CTNND2: variants seen among roughly 807,000 people sequenced by gnomAD.
The protein encoded by CTNND2 is catenin delta 2.
CTNND2 carries 22 observed loss-of-function variants against 144.4 expected under a neutral mutation model. The observed-to-expected ratio is 0.15, with a 90% CI of 0.11 to 0.22. The LOEUF (loss-of-function observed/expected upper bound fraction) is 0.22. CTNND2 is among the 10% of genes least tolerant of loss of function. The probability of loss-of-function intolerance (pLI) is 1.00; values close to 1 mark genes in which losing one functional copy is unlikely to be tolerated. For synonymous variants in CTNND2, 751 were observed against 695.6 expected (o/e 1.08, Z -1.25); for missense variants, 1,353 against 1,618.8 (o/e 0.84, Z 2.82).
rs1290469633 is a variant in CTNND2 at position 11,843,750 on chromosome 5, T to G, written c.37+60067A>C. On this transcript the variant is annotated intron_variant, in intron 1 of 21. Transcript: ENST00000304623. Reference sequence around the variant, plus strand: ...TGTATTAGAAATGTTAAATAATTATTTATGATCCTAGGAAATTGACTCTTT... The same window carrying G: ...TGTATTAGAAATGTTAAATAATTATGTATGATCCTAGGAAATTGACTCTTT... Among the ~76,000 whole-genome samples the G allele has an allele frequency of 3.3e-5, 5 of 152,338 alleles. No homozygotes were observed. The East Asian group carries it at 9.6e-4, about 29-fold the overall frequency.
At position 11,490,193 on chromosome 5, in the gene CTNND2, A is replaced by C. The variant is rs181190117; in HGVS notation, c.287+74751T>G. On this transcript the variant is annotated intron_variant, in intron 3 of 21. Transcript: ENST00000304623. ...AACTCTAGTCAATGAGATTTTTTAAAATTTTCATATGAAAATAATGATGCA... is the reference window on the plus strand; with the variant it reads ...AACTCTAGTCAATGAGATTTTTTAACATTTTCATATGAAAATAATGATGCA... 1.5e-3 allele frequency among the ~76,000 whole-genome samples: 232 copies of C among 152,276 alleles called. 1 individual carries two copies. The highest frequency in any genetic ancestry group is 5.5e-3 in the African/African-American group (227 of 41,540).
chr5:11,515,881 C>T (rs1292542607), intron 3 of CTNND2, among the ~76,000 whole-genome samples: 2 of 152,116 alleles, frequency 1.3e-5, no homozygotes, highest in Non-Finnish European at 2.9e-5. Context: ...TGGAAGCTTG[C>T]TTAAGCTCAG....
rs972884096 is a variant in CTNND2, at chr5:11,117,390, G to A, written c.2277+60C>T. On this transcript the variant is annotated intron_variant, in intron 13 of 21. Coordinates refer to ENST00000304623, the MANE Select transcript of CTNND2 (RefSeq NM_001332.4). ...TGGCTCTCCAGGGTTGTTAGCTATT[G>A]TTGAGTCCCGTGGGAGTCTTTATTC... The A allele has an allele frequency of 1.5e-5, 20 of 1,307,320 alleles. No homozygotes were observed. In the African/African-American group the frequency reaches 2.6e-4, roughly 17 times the overall value. The allele number at this position is 1,307,320 out of a possible 1,614,324, so 81.0% of individuals were successfully genotyped here. A position where few individuals can be genotyped will look rare whatever the true frequency, so the allele number is the denominator to read the frequency against.
In CTNND2 at chr5:11,249,988, A is replaced by G. The variant is rs1177031305; in HGVS notation, c.1629-13165T>C. Among the ~76,000 whole-genome samples, 4 of 152,238 alleles carry G rather than the reference A, an allele frequency of 2.6e-5. No homozygotes were observed. In the East Asian group the frequency reaches 7.7e-4, roughly 29 times the overall value. ...GGCTGCAGTGTCCAAGTGTCCATTC[A>G]TAATTATTTCTCATTACTAGACATT... On this transcript the variant is annotated intron_variant, in intron 9 of 21. Transcript: ENST00000304623.
intron 3 of CTNND2, among the ~76,000 whole-genome samples, chr5:11,523,278 T>G (rs563299130): frequency 6.6e-6 from 1 of 152,356 alleles, no homozygotes; most frequent in African/African-American, 2.4e-5. Context: ...ACATGAGATT[T>G]TTTTTTAAGA....
At chr5:11,445,766 G>A (rs527489945) in intron 3 of CTNND2, among the ~76,000 whole-genome samples, 6 of 152,330 alleles carry the variant, frequency 3.9e-5, no homozygotes, top group Middle Eastern at 3.4e-3. Context: ...TCAGTAGTGA[G>A]TATTCTACAT....
chr5:11,193,455 A>G (rs905752206), intron 11 of CTNND2, among the ~76,000 whole-genome samples: 1 of 152,136 alleles, frequency 6.6e-6, no homozygotes, highest in East Asian at 1.9e-4. Flanking sequence ...ATGTTGTTTA[A>G]TCTTCTCATA....
chr5:11,211,558 T>A (rs917772222), intron 10 of CTNND2, among the ~76,000 whole-genome samples: 1 of 152,178 alleles, frequency 6.6e-6, no homozygotes, highest in Non-Finnish European at 1.5e-5. Flanking sequence ...GTGACTACGA[T>A]TTGGGGCCTT....
intron 1 of CTNND2, among the ~76,000 whole-genome samples, chr5:11,748,422 T>G (rs1788432194): frequency 6.6e-6 from 1 of 152,104 alleles, no homozygotes; most frequent in Non-Finnish European, 1.5e-5. Context: ...TATATAATCA[T>G]TCAATATTAC....
intron 9 of CTNND2, among the ~76,000 whole-genome samples, chr5:11,278,599 C>A (rs938531637): frequency 8.5e-5 from 13 of 152,168 alleles, no homozygotes; most frequent in Admixed American, 8.5e-4. Context: ...TCCCTGGCTT[C>A]TGACATGAGA....
chr5:11,557,745 A>T (rs1776346245), intron 3 of CTNND2, among the ~76,000 whole-genome samples: 1 of 152,192 alleles, frequency 6.6e-6, no homozygotes, highest in South Asian at 2.1e-4. Context: ...AGGATTATAC[A>T]GTCTGCGAAA....
intron 14 of CTNND2, among the ~76,000 whole-genome samples, chr5:11,099,698 A>T (rs955306932): frequency 1.3e-5 from 2 of 152,196 alleles, no homozygotes; most frequent in Admixed American, 1.3e-4. Context: ...AAAACACTAA[A>T]AATTAAAATA....
chr5:11,807,809 G>C (rs978851504), intron 1 of CTNND2, among the ~76,000 whole-genome samples: 10 of 152,244 alleles, frequency 6.6e-5, no homozygotes, highest in Middle Eastern at 3.4e-3. Flanking sequence ...GCATGACATG[G>C]TTTGTTTCTG....
At chr5:11,602,453 C>G (rs1779840474) in intron 2 of CTNND2, among the ~76,000 whole-genome samples, 1 of 151,672 alleles carries the variant, frequency 6.6e-6, no homozygotes, top group South Asian at 2.1e-4. Flanking sequence ...ACCCTCTTGG[C>G]AGTTGAAGCA....
intron 3 of CTNND2, among the ~76,000 whole-genome samples, chr5:11,560,449 C>G (rs932577362): frequency 6.6e-6 from 1 of 152,160 alleles, no homozygotes; most frequent in East Asian, 1.9e-4. Context: ...CATTATGTTA[C>G]TGATGCCTAT....
intron 9 of CTNND2, among the ~76,000 whole-genome samples, chr5:11,259,960 T>C (rs914473737): frequency 3.3e-5 from 5 of 152,222 alleles, no homozygotes; most frequent in Non-Finnish European, 5.9e-5. Context: ...CACTCAGAAA[T>C]TGTCCTAAAA....
rs1242930658 is a variant in CTNND2, at chr5:11,873,919, T to C, written c.37+29898A>G. Among the ~76,000 whole-genome samples the C allele has an allele frequency of 4.6e-5, 7 of 152,246 alleles. No individual in the cohort carries two copies. The East Asian group carries it at 1.4e-3, about 29-fold the overall frequency. On this transcript the variant is annotated intron_variant, in intron 1 of 21. Transcript: ENST00000304623. ...CCCACTGGTGACAAGGAAGTAAAAG[T>C]AATACAGAGGGAGCCTAGAAAAGGC...
chr5:11,862,288 A>T (rs1200863915), intron 1 of CTNND2, among the ~76,000 whole-genome samples: 1 of 152,202 alleles, frequency 6.6e-6, no homozygotes, highest in African/African-American at 2.4e-5. Context: ...TGGAAAATAG[A>T]AATTTTCCAT....
At chr5:11,354,210 G>C (rs972908157) in intron 8 of CTNND2, among the ~76,000 whole-genome samples, 1 of 152,322 alleles carries the variant, frequency 6.6e-6, no homozygotes, top group Non-Finnish European at 1.5e-5. Flanking sequence ...AGTTTGGTGA[G>C]AACAGAATTA....
Sources: gnomAD v4.1 joint callset for allele counts (sites outside exome capture counted in the v4.1 genomes callset) on GRCh38, gnomAD v4.1.1 for gene constraint, MANE v1.5 for transcripts, NCBI Gene and HGNC (gene_info 2026-07-23, HGNC 2026-07-21) for gene names.